Variants in PIAS4 observed in about 807,000 individuals in gnomAD.
PIAS4 encodes E3 SUMO-protein ligase PIAS4.
Under a neutral mutation model 58.0 loss-of-function variants are expected in PIAS4, and 7 were observed. The observed-to-expected ratio is 0.12, with a 90% CI of 0.07 to 0.23. PIAS4 has a LOEUF of 0.23. Ranked by LOEUF, PIAS4 falls within the 10% of genes least tolerant of loss-of-function variation. The pLI is 1.00. For missense variants in PIAS4, 550 were observed against 709.5 expected, an observed-to-expected ratio of 0.78 and a Z score of 2.55; for synonymous variants, 364 against 312.4, an observed-to-expected ratio of 1.17 and a Z score of -1.74.
Position 4,033,246 on chromosome 19 carries a change from G to T in PIAS4, c.981+73G>T, listed in dbSNP as rs749449. 1.6e-5 allele frequency: 24 copies of T among 1,501,172 alleles called. No homozygotes were observed. In the Admixed American group the frequency reaches 2.4e-4, roughly 15 times the overall value. The allele number at this position is 1,501,172 out of a possible 1,614,324, so 93.0% of individuals were successfully genotyped here. ...CTTCCCCCCTGGCGGCCCTGGGCCC[G>T]GGGCGGCTTGGCTGGGCCGTGAGCC... On this transcript the variant is annotated intron_variant, in intron 8 of 10. Transcript: ENST00000262971.
chr19:4,028,921 C>T lies in PIAS4; in HGVS notation c.802-10C>T, dbSNP rs750402017. ...TCCTGCCAGCCCTGACCCCTTCCTT[C>T]TGTCCCCAGAGCTACTCGGTGGCCC... On this transcript the variant is annotated splice_polypyrimidine_tract_variant and intron_variant, in intron 6 of 10. Coordinates refer to ENST00000262971, the MANE Select transcript of PIAS4 (RefSeq NM_015897.4). 5.6e-6 allele frequency: 9 copies of T among 1,607,554 alleles called. No individual in the cohort carries two copies. Among genetic ancestry groups the T allele is most frequent in the South Asian group, 1.1e-5 (1 of 90,862 alleles).
At chr19:4,008,927 C>T (rs1337726341) in intron 1 of PIAS4, among the ~76,000 whole-genome samples, 1 of 152,196 alleles carries the variant, frequency 6.6e-6, no homozygotes, top group Non-Finnish European at 1.5e-5. Context: ...GTTGCTGCTG[C>T]TCTATTATAC....
intron 3 of PIAS4, among the ~76,000 whole-genome samples, chr19:4,027,386 C>T (rs1209094510): frequency 6.6e-6 from 1 of 152,146 alleles, no homozygotes. Flanking sequence ...ATGGCTGGGT[C>T]GCGTCCCGTG....
At position 4,029,021 on chromosome 19, in the gene PIAS4, C is replaced by T; in HGVS notation, c.892C>T (p.Leu298=). Residue 298 remains leucine (L), a synonymous_variant, in exon 7 of 11, where the codon CTG becomes TTG. Transcript: ENST00000262971. ...GACCATTGGGGTAAAGCACCCGGAG[C>T]TGTGCAAGGCACTGGGTGAGCAGCT... The part of the protein sequence containing the change: ...LKTIGVKHPE[L]CKALVKEKLR... 1 of 1,604,692 alleles carries T rather than the reference C, an allele frequency of 6.2e-7. No homozygotes were observed. Among genetic ancestry groups the T allele is most frequent in the Non-Finnish European group, 8.5e-7 (1 of 1,175,788 alleles).
intron 2 of PIAS4, among the ~76,000 whole-genome samples, chr19:4,016,803 T>C (rs532323929): frequency 4.6e-5 from 7 of 152,122 alleles, no homozygotes; most frequent in African/African-American, 1.7e-4. Flanking sequence ...ATGGAGTTCA[T>C]TGTGGCCAGA....
At chr19:4,035,800 C>T (rs1568221596) in intron 9 of PIAS4, among the ~76,000 whole-genome samples, 1 of 58,458 alleles carries the variant, frequency 1.7e-5, no homozygotes, top group Non-Finnish European at 4.0e-5. Flanking sequence ...CCATCACACA[C>T]ACCCGCACAC....
chr19:4,018,245 G>A (rs1184573593), intron 2 of PIAS4, among the ~76,000 whole-genome samples: 4 of 152,250 alleles, frequency 2.6e-5, no homozygotes, highest in Non-Finnish European at 5.9e-5. Flanking sequence ...GGCCGCCTCG[G>A]TACACCGGGC....
At chr19:4,035,554 G>T (rs1164128988) in intron 9 of PIAS4, among the ~76,000 whole-genome samples, 1 of 152,136 alleles carries the variant, frequency 6.6e-6, no homozygotes, top group African/African-American at 2.4e-5. Context: ...GTGCTCTGGA[G>T]AGGCTGTGGC....
Position 4,036,974 on chromosome 19 carries a change from C to T in PIAS4, c.1143-400C>T, listed in dbSNP as rs8104607. Among the ~76,000 whole-genome samples the T allele has an allele frequency of 9.6e-3, 1,461 of 152,314 alleles. 25 individuals carry two copies. Among genetic ancestry groups the T allele is most frequent in the African/African-American group, 0.034 (1,397 of 41,566 alleles). On this transcript the variant is annotated intron_variant, in intron 9 of 10. Coordinates refer to ENST00000262971, the MANE Select transcript of PIAS4 (RefSeq NM_015897.4). ...CCACACATGCACACGTGCACACACA[C>T]GCACATGCTCGCACACATGCACAGA...
rs991132802 is a variant in PIAS4, at chr19:4,033,363, C to A, written c.982-57C>A. On this transcript the variant is annotated intron_variant, in intron 8 of 10. Coordinates refer to ENST00000262971, the MANE Select transcript of PIAS4 (RefSeq NM_015897.4). ...AGGATGGAGCTGGGGGTGAGGGGCA[C>A]CGGGCAGGCGGGCACAACAGGAGGG... The A allele has an allele frequency of 2.0e-6, 3 of 1,495,572 alleles. No individual in the cohort carries two copies. In the African/African-American group the frequency reaches 4.2e-5, roughly 21 times the overall value. The allele number at this position is 1,495,572 out of a possible 1,614,324, so 92.6% of individuals were successfully genotyped here.
chr19:4,034,473 T>G (rs944847727), intron 9 of PIAS4, among the ~76,000 whole-genome samples: 1 of 152,226 alleles, frequency 6.6e-6, no homozygotes, highest in Non-Finnish European at 1.5e-5. Flanking sequence ...AACCAGCAGC[T>G]GGAGCTACCC....
intron 2 of PIAS4, among the ~76,000 whole-genome samples, chr19:4,015,420 C>T (rs2040042545): frequency 6.8e-6 from 1 of 148,084 alleles, no homozygotes; most frequent in Admixed American, 6.6e-5. Flanking sequence ...CTGTCTACAC[C>T]AGTGTGCCTG....
chr19:4,019,916 T>C (rs2040091830), intron 2 of PIAS4, among the ~76,000 whole-genome samples: 1 of 148,912 alleles, frequency 6.7e-6, no homozygotes, highest in South Asian at 2.1e-4. Context: ...GGAGTCTGGC[T>C]TTTTTCTTTT....
At position 4,013,123 on chromosome 19, in the gene PIAS4, G is replaced by A. The variant is rs901615149; in HGVS notation, c.228G>A (p.Gln76=). The A allele has an allele frequency of 5.6e-6, 9 of 1,613,388 alleles. No homozygotes were observed. The highest frequency in any genetic ancestry group is 6.8e-6 in the Non-Finnish European group (8 of 1,180,014). The part of the protein sequence containing the change: ...YAKKNSEPAP[Q]PHRPLDPLTM... ...AGAAGAACTCGGAGCCTGCCCCACA[G>A]CCGCACCGGCCCCTGGACCCCCTGA... Residue 76 remains glutamine, a synonymous_variant, in exon 2 of 11, where the codon CAG becomes CAA. Transcript: ENST00000262971. This position sits in a 1 kb window ranked among gnomAD's most constrained non-coding sequence, Gnocchi z 5.1.
intron 4 of PIAS4, 120 bp downstream of exon 4, chr19:4,028,307 C>T (rs1353028928): frequency 2.4e-5 from 22 of 899,402 alleles, no homozygotes; most frequent in Non-Finnish European, 3.6e-5. Flanking sequence ...GCCCAGCTCT[C>T]CTCACCTGCT....
Position 4,013,391 on chromosome 19 carries a change from C to G in PIAS4, c.454+42C>G. On this transcript the variant is annotated intron_variant, in intron 2 of 10. Coordinates refer to ENST00000262971, the MANE Select transcript of PIAS4 (RefSeq NM_015897.4). The surrounding 1 kb of genome is among the most constrained non-coding windows in gnomAD (Gnocchi z 5.1). ...GGGAGGCTGCGACTGGAGGCTTCAC[C>G]TAGGCCCCGTCGCCCAGCCCAGCCC... The G allele has an allele frequency of 1.3e-6, 2 of 1,551,476 alleles. No homozygotes were observed. The highest frequency in any genetic ancestry group is 1.2e-5 in the South Asian group (1 of 86,584).
At chr19:4,034,300 A>G (rs896445729) in intron 9 of PIAS4, among the ~76,000 whole-genome samples, 3 of 152,122 alleles carry the variant, frequency 2.0e-5, no homozygotes, top group Non-Finnish European at 4.4e-5. Flanking sequence ...GCCCTCAGGC[A>G]TGGCCTCAGC....
intron 7 of PIAS4, among the ~76,000 whole-genome samples, chr19:4,032,062 A>T (rs1358427901): frequency 6.6e-6 from 1 of 152,094 alleles, no homozygotes; most frequent in Non-Finnish European, 1.5e-5. Context: ...GGAAGAGCCC[A>T]CTGCTCCACA....
chr19:4,013,271 A>G lies in PIAS4; in HGVS notation c.376A>G (p.Thr126Ala), dbSNP rs2040016864. Residue 126 changes from threonine to alanine, a missense_variant, in exon 2 of 11, where the codon ACC (threonine) becomes GCC (alanine). Physicochemically the swap from Thr to Ala is moderately conservative, Grantham distance 58. Coordinates refer to ENST00000262971, the MANE Select transcript of PIAS4 (RefSeq NM_015897.4). The surrounding 1 kb of genome is among the most constrained non-coding windows in gnomAD (Gnocchi z 5.1). ...LNGLGRLPAK[T>A]LKPEVRLVKL... The stretch of plus-strand genomic sequence containing the variant: ...CGGACTGGGACGGTTGCCCGCCAAG[A>G]CCCTCAAGCCAGAAGTCCGCCTGGT... 1 of 1,613,228 alleles carries G rather than the reference A, an allele frequency of 6.2e-7. No individual in the cohort carries two copies. Among genetic ancestry groups the G allele is most frequent in the South Asian group, 1.1e-5 (1 of 91,080 alleles).
Sources: allele counts gnomAD v4.1 joint callset (sites outside exome capture counted in the v4.1 genomes callset), GRCh38; gene constraint gnomAD v4.1.1; non-coding constraint Gnocchi (gnomAD v3.1); transcripts MANE v1.5; gene names NCBI Gene and HGNC (gene_info 2026-07-23, HGNC 2026-07-21).